ASZ1: variants seen among roughly 807,000 people sequenced by gnomAD.
ASZ1 encodes ankyrin repeat, SAM and basic leucine zipper domain-containing protein 1.
ASZ1 carries 67 observed loss-of-function variants against 61.8 expected under a neutral mutation model. The ratio of observed to expected loss-of-function variants is 1.08; its 90% CI spans 0.89 to 1.33. The LOEUF is 1.33. ASZ1 is among the 40% of genes most tolerant of loss of function. The pLI is 0.00. For missense variants in ASZ1, 577 were observed against 554.5 expected, an observed-to-expected ratio of 1.04 and a Z score of -0.41; for synonymous variants, 193 against 192.7, an observed-to-expected ratio of 1.00 and a Z score of -0.01.
At chr7:117,409,156 G>A (rs1175144127) in intron 4 of ASZ1, among the ~76,000 whole-genome samples, 2 of 151,958 alleles carry the variant, frequency 1.3e-5, no homozygotes, top group Non-Finnish European at 2.9e-5. Flanking sequence ...AAGGGAATAT[G>A]ATTGGGGAGG....
At chr7:117,422,158 T>C (rs1584745138) in intron 3 of ASZ1, 79 bp downstream of exon 3, 1 of 1,488,492 alleles carries the variant, frequency 6.7e-7, no homozygotes, top group East Asian at 2.3e-5. Flanking sequence ...CTTTAGTTTT[T>C]TGCACTTTAT....
At position 117,366,530 on chromosome 7, in the gene ASZ1, G is replaced by A. The variant is rs533042524; in HGVS notation, c.1275+822C>T. 1.3e-4 allele frequency among the ~76,000 whole-genome samples: 20 copies of A among 151,884 alleles called. 1 individual carries two copies. The South Asian group carries it at 3.3e-3, about 25-fold the overall frequency. Reference sequence around the variant, plus strand: ...GAGCTCGGAAGTGAGCTCTTTAGTCGACTGGAAGTGTTTTTCTTTATTATC... The same window carrying A: ...GAGCTCGGAAGTGAGCTCTTTAGTCAACTGGAAGTGTTTTTCTTTATTATC... On this transcript the variant is annotated intron_variant, in intron 12 of 12. Coordinates refer to ENST00000284629, the MANE Select transcript of ASZ1 (RefSeq NM_130768.3).
intron 4 of ASZ1, among the ~76,000 whole-genome samples, chr7:117,405,255 G>A (rs1248990482): frequency 6.6e-6 from 1 of 152,198 alleles, no homozygotes; most frequent in South Asian, 2.1e-4. Context: ...AATGAGTTAC[G>A]TGGTAAGCCA....
chr7:117,382,068 C>T lies in ASZ1; in HGVS notation c.888+1G>A. On this transcript the variant is annotated splice_donor_variant, in intron 8 of 12. Coordinates refer to ENST00000284629, the MANE Select transcript of ASZ1 (RefSeq NM_130768.3). LOFTEE classifies it high-confidence loss of function. ...TCACTGTAGGTTATATAAGATCTTA[C>T]CTTTAGTAAATCTGTCATATGTTCA... The T allele has an allele frequency of 6.4e-7, 1 of 1,554,988 alleles. No individual in the cohort carries two copies. Among genetic ancestry groups the T allele is most frequent in the Non-Finnish European group, 8.9e-7 (1 of 1,127,746 alleles).
At position 117,422,326 on chromosome 7, in the gene ASZ1, C is replaced by T. The variant is rs1456882186; in HGVS notation, c.239G>A (p.Trp80Ter). The T allele has an allele frequency of 2.5e-6, 4 of 1,612,546 alleles. No homozygotes were observed. The highest frequency in any genetic ancestry group is 1.3e-5 in the African/African-American group (1 of 74,526). ...ACTAGCAGCATACATAAGGGGAGTC[C>T]ATCCATACTGAAAGTTGGAATCTAC... ...ISVDSNFQYG[W>*]TPLMYAASVA... The change falls in exon 3 of 13, where the codon TGG becomes TAG. Residue 80 changes from tryptophan (W) to a stop codon, truncating the protein, a stop_gained. Coordinates refer to ENST00000284629, the MANE Select transcript of ASZ1 (RefSeq NM_130768.3). LOFTEE classifies it high-confidence loss of function.
At chr7:117,364,899 C>G (rs1000941871) in intron 12 of ASZ1, among the ~76,000 whole-genome samples, 1 of 152,080 alleles carries the variant, frequency 6.6e-6, no homozygotes, top group Non-Finnish European at 1.5e-5. Context: ...AGGAGCCTGT[C>G]AGTGTGTTGG....
intron 2 of ASZ1, among the ~76,000 whole-genome samples, chr7:117,423,427 C>T (rs1480824933): frequency 2.6e-5 from 4 of 152,022 alleles, no homozygotes; most frequent in South Asian, 2.1e-4. Flanking sequence ...AACAAATCTT[C>T]CTCTTTGAAC....
At chr7:117,387,249 A>G (rs1351297058) in intron 4 of ASZ1, among the ~76,000 whole-genome samples, 1 of 151,578 alleles carries the variant, frequency 6.6e-6, no homozygotes, top group East Asian at 1.9e-4. Flanking sequence ...TCAAGGCTTC[A>G]GTGAGCCGAG....
At chr7:117,372,317 T>C (rs1281347252) in intron 10 of ASZ1, among the ~76,000 whole-genome samples, 1 of 152,174 alleles carries the variant, frequency 6.6e-6, no homozygotes, top group African/African-American at 2.4e-5. Flanking sequence ...CATGACTTGC[T>C]TTAGCAAATA....
At chr7:117,422,610 T>G (rs1797120777) in intron 2 of ASZ1, among the ~76,000 whole-genome samples, 1 of 152,216 alleles carries the variant, frequency 6.6e-6, no homozygotes, top group South Asian at 2.1e-4. Context: ...TATATGTAAC[T>G]GAGTATGTAT....
intron 12 of ASZ1, among the ~76,000 whole-genome samples, chr7:117,365,941 T>G (rs1287905456): frequency 6.6e-6 from 1 of 152,264 alleles, no homozygotes; most frequent in Non-Finnish European, 1.5e-5. Flanking sequence ...ATAATAGAAT[T>G]TGCTTCACAA....
At chr7:117,420,631 T>C (rs1282051989) in intron 3 of ASZ1, among the ~76,000 whole-genome samples, 2 of 152,248 alleles carry the variant, frequency 1.3e-5, no homozygotes, top group African/African-American at 4.8e-5. Context: ...AACAATGATC[T>C]ATATTCTCTG....
At position 117,402,080 on chromosome 7, in the gene ASZ1, G is replaced by A. The variant is rs572493158; in HGVS notation, c.441-16271C>T. Reference sequence around the variant, plus strand: ...CAAACTATTAACAAAAGAGAATAACGAACATACTAGAAATCATACTGTACT... The same window carrying A: ...CAAACTATTAACAAAAGAGAATAACAAACATACTAGAAATCATACTGTACT... On this transcript the variant is annotated intron_variant, in intron 4 of 12. Coordinates refer to ENST00000284629, the MANE Select transcript of ASZ1 (RefSeq NM_130768.3). 7.0e-4 allele frequency among the ~76,000 whole-genome samples: 107 copies of A among 152,134 alleles called. 2 individuals are homozygous for A. The South Asian group carries it at 0.021, about 29-fold the overall frequency.
At chr7:117,387,502 C>G (rs1278218790) in intron 4 of ASZ1, among the ~76,000 whole-genome samples, 1 of 152,190 alleles carries the variant, frequency 6.6e-6, no homozygotes, top group Non-Finnish European at 1.5e-5. Context: ...CTGCTCCTCT[C>G]AGTCTTCCCT....
intron 4 of ASZ1, among the ~76,000 whole-genome samples, chr7:117,402,411 A>G (rs144192897): frequency 6.6e-6 from 1 of 152,216 alleles, no homozygotes; most frequent in African/African-American, 2.4e-5. Flanking sequence ...ATGTTGTAAG[A>G]GGTGATATTT....
At chr7:117,364,403 G>A (rs546415423) in intron 12 of ASZ1, among the ~76,000 whole-genome samples, 27 of 136,864 alleles carry the variant, frequency 2.0e-4, no homozygotes, top group Non-Finnish European at 3.2e-4. Context: ...GTGTGTTTCT[G>A]TGAGAGACAG....
intron 11 of ASZ1, chr7:117,368,175 C>T (rs765563722): frequency 2.4e-4 from 207 of 847,816 alleles, no homozygotes; most frequent in Non-Finnish European, 2.8e-4. Flanking sequence ...AATTCTCCCA[C>T]GTGGGCCTCC....
chr7:117,382,835 T>A (rs545537135), intron 7 of ASZ1, 151 bp downstream of exon 7: 72 of 896,506 alleles, frequency 8.0e-5, no homozygotes, highest in Non-Finnish European at 1.0e-4. Context: ...TTTTCTAAAA[T>A]TCTGGAGAAC....
rs1796286278 is a variant in ASZ1, at chr7:117,383,110, T to G, written c.688A>C (p.Ile230Leu). ...EIAKRNKHHE[I>L]FNLLSFTLNP... is the part of the protein sequence containing the mutation. ...AAAGTAAAAGAAAGTAAGTTGAAGATCTGAAAAAAGTTAACATCATTCAAA... is the reference window on the plus strand; with the variant it reads ...AAAGTAAAAGAAAGTAAGTTGAAGAGCTGAAAAAAGTTAACATCATTCAAA... Residue 230 changes from isoleucine to leucine, a missense_variant and splice_region_variant, in exon 7 of 13, where the codon ATC becomes CTC. Ile to Leu is a conservative substitution (Grantham distance 5). Transcript: ENST00000284629. The G allele has an allele frequency of 1.3e-6, 2 of 1,548,928 alleles. No individual in the cohort carries two copies. Among genetic ancestry groups the G allele is most frequent in the African/African-American group, 2.8e-5 (2 of 71,202 alleles).
Sources: gnomAD v4.1 joint callset for allele counts (sites outside exome capture counted in the v4.1 genomes callset) on GRCh38, gnomAD v4.1.1 for gene constraint, MANE v1.5 for transcripts, NCBI Gene and HGNC (gene_info 2026-07-23, HGNC 2026-07-21) for gene names.